ARL10: variants seen among roughly 807,000 people sequenced by gnomAD.
The protein encoded by ARL10 is ADP-ribosylation factor-like protein 10.
In ARL10, 23 loss-of-function variants were observed where a neutral mutation model predicts 26.1. The ratio of observed to expected loss-of-function variants is 0.88; its 90% CI spans 0.63 to 1.25. ARL10 has a LOEUF of 1.25. Ranked by LOEUF, ARL10 falls within the 50% of genes most tolerant of loss-of-function variation. The pLI is 0.00. For missense variants in ARL10, 300 were observed against 323.6 expected, an observed-to-expected ratio of 0.93 and a Z score of 0.56; for synonymous variants, 138 against 149.1, an observed-to-expected ratio of 0.93 and a Z score of 0.54.
Position 176,373,416 on chromosome 5 carries a change from CA to C in ARL10, c.*1524del, listed in dbSNP as rs1314875516. On this transcript the variant is annotated 3_prime_UTR_variant, in exon 4 of 4. Coordinates refer to ENST00000310389, the MANE Select transcript of ARL10 (RefSeq NM_173664.6). ...TTAGGGACCACTAAATCAACAACCA[CA>C]AATGGATTTTTTTTTTAAGAGGAGC... 1 of 204,340 alleles carries C rather than the reference CA, an allele frequency of 4.9e-6. No individual in the cohort carries two copies. The highest frequency in any genetic ancestry group is 2.3e-5 in the African/African-American group (1 of 43,538). 12.7% of individuals were successfully genotyped at this position (204,340 alleles called of 1,614,324 possible). A position where few individuals can be genotyped will look rare whatever the true frequency, so the allele number is the denominator to read the frequency against.
chr5:176,386,963 T>G (rs756396726), intron 1 of ARL10: 1 of 1,483,242 alleles, frequency 6.7e-7, no homozygotes, highest in African/African-American at 1.4e-5. Flanking sequence ...GGGAAAGTTA[T>G]AGACTCCTGC....
chr5:176,386,800 G>A, downstream of ARL10: 1 of 1,565,966 alleles, frequency 6.4e-7, no homozygotes, highest in East Asian at 2.2e-5. Flanking sequence ...TTCCCACAGT[G>A]CAGGACAGTG....
rs563282377 is a variant in ARL10, at chr5:176,374,018, G to A, written c.*2123G>A. 2 of 152,278 alleles carry A rather than the reference G, an allele frequency of 1.3e-5. No individual in the cohort carries two copies. The highest frequency in any genetic ancestry group is 1.3e-4 in the Admixed American group (2 of 15,290). 9.4% of individuals were successfully genotyped at this position (152,278 alleles called of 1,614,324 possible). A position where few individuals can be genotyped will look rare whatever the true frequency, so the allele number is the denominator to read the frequency against. ...AGGCTACATTTATAGCCAGAGAAACGAAAATAACTTAGGTTGCCTGATTGG... is the reference window on the plus strand; with the variant it reads ...AGGCTACATTTATAGCCAGAGAAACAAAAATAACTTAGGTTGCCTGATTGG... On this transcript the variant is annotated 3_prime_UTR_variant, in exon 4 of 4. Transcript: ENST00000310389.
chr5:176,397,158 C>T (rs1291775727), intron 1 of ARL10, among the ~76,000 whole-genome samples: 3 of 152,148 alleles, frequency 2.0e-5, no homozygotes, highest in Admixed American at 6.5e-5. Flanking sequence ...TCCTCCGTGC[C>T]TACCCCAGAG....
chr5:176,389,254 G>GGGAA (rs1276350337), downstream of ARL10: 24 of 1,508,608 alleles, frequency 1.6e-5, no homozygotes, highest in East Asian at 5.0e-4. Context: ...CTTGGCTTTG[G>GGGAA]GGAAGCGAGA....
chr5:176,413,327 G>A, the ARL10 span, among the ~76,000 whole-genome samples: 200 of 152,340 alleles, frequency 1.3e-3, no homozygotes, highest in African/African-American at 4.5e-3. Context: ...GAGGCCCAGC[G>A]GGGGAAATGG....
chr5:176,406,569 G>A (rs1017245131), downstream of ARL10: 2 of 1,288,696 alleles, frequency 1.6e-6, no homozygotes, highest in Non-Finnish European at 2.0e-6. Flanking sequence ...CTGTGCAGAG[G>A]TGGGGAGGCG....
chr5:176,400,318 A>T (rs1756757123), intron 1 of ARL10, among the ~76,000 whole-genome samples: 1 of 152,216 alleles, frequency 6.6e-6, no homozygotes, highest in African/African-American at 2.4e-5. Context: ...CTTGGTGTGG[A>T]GTGATGGCTC....
chr5:176,388,728 G>A (rs1218658983), downstream of ARL10: 6 of 1,532,966 alleles, frequency 3.9e-6, no homozygotes, highest in African/African-American at 4.1e-5. Flanking sequence ...TGCGTACAAG[G>A]CTCAATTTAT....
chr5:176,394,695 G>A (rs1021663892), intron 1 of ARL10, among the ~76,000 whole-genome samples: 7 of 152,070 alleles, frequency 4.6e-5, no homozygotes, highest in Admixed American at 6.6e-5. Context: ...GGCACCTGTA[G>A]TCCCAGCTAC....
rs1205599602 is a variant in ARL10 at position 176,368,832 on chromosome 5, C to T, written c.411C>T (p.Phe137=). 2 of 1,613,536 alleles carry T rather than the reference C, an allele frequency of 1.2e-6. No individual in the cohort carries two copies. Among genetic ancestry groups the T allele is most frequent in the South Asian group, 1.1e-5 (1 of 91,044 alleles). Reference sequence around the variant, plus strand: ...TTGGGGGCAGCCAGAACCTGCGCTTCTACTGGAAGGAGTTTGTGAGCGAGG... The same window carrying T: ...TTGGGGGCAGCCAGAACCTGCGCTTTTACTGGAAGGAGTTTGTGAGCGAGG... ...LEIGGSQNLR[F]YWKEFVSEVD... Residue 137 remains phenylalanine, a synonymous_variant, in exon 3 of 4, where the codon TTC becomes TTT. Coordinates refer to ENST00000310389, the MANE Select transcript of ARL10 (RefSeq NM_173664.6). The surrounding 1 kb of genome is among the most constrained non-coding windows in gnomAD (Gnocchi z 4.1).
chr5:176,406,049 C>A, downstream of ARL10: 1 of 613,290 alleles, frequency 1.6e-6, no homozygotes, highest in Non-Finnish European at 2.0e-6. Context: ...AAGCAGTCAC[C>A]ACTCATTATT....
At chr5:176,369,019 A>G (rs1230609270) in intron 3 of ARL10, 37 bp downstream of exon 3, 4 of 1,610,052 alleles carry the variant, frequency 2.5e-6, no homozygotes, top group African/African-American at 1.3e-5. Context: ...TCCAGGTGAC[A>G]TCCACTCAGA....
rs1768642309 is a variant in ARL10 at position 176,374,937 on chromosome 5, C to T, written c.*3042C>T. 6.6e-6 allele frequency: 1 copy of T among 152,256 alleles called. No homozygotes were observed. Among genetic ancestry groups the T allele is most frequent in the South Asian group, 2.1e-4 (1 of 4,834 alleles). The allele number at this position is 152,256 out of a possible 1,614,324, so 9.4% of individuals were successfully genotyped here. A position where few individuals can be genotyped will look rare whatever the true frequency, so the allele number is the denominator to read the frequency against. On this transcript the variant is annotated 3_prime_UTR_variant, in exon 4 of 4. Coordinates refer to ENST00000310389, the MANE Select transcript of ARL10 (RefSeq NM_173664.6). ...CGGCAGCCACCACCGCCTTTTGAAG[C>T]TCTCCATAGTAGTAGAATCAGGAAA...
At position 176,372,099 on chromosome 5, in the gene ARL10, G is replaced by A. The variant is rs1581395631; in HGVS notation, c.*204G>A. On this transcript the variant is annotated 3_prime_UTR_variant, in exon 4 of 4. Coordinates refer to ENST00000310389, the MANE Select transcript of ARL10 (RefSeq NM_173664.6). ...GGTGGCCGTGAAGCCGAAGCAGGGA[G>A]GTGGGTGAGACAGAGGGTGGGGAGG... The A allele has an allele frequency of 7.0e-7, 1 of 1,420,130 alleles. No homozygotes were observed. The highest frequency in any genetic ancestry group is 9.2e-7 in the Non-Finnish European group (1 of 1,089,526). The allele number at this position is 1,420,130 out of a possible 1,614,324, so 88.0% of individuals were successfully genotyped here.
downstream of ARL10, among the ~76,000 whole-genome samples, chr5:176,404,311 C>T (rs562229301): frequency 1.1e-4 from 17 of 152,364 alleles, no homozygotes; most frequent in African/African-American, 2.4e-4. Context: ...TCCTCTGGGA[C>T]GCACCCCCAC....
At position 176,373,954 on chromosome 5, in the gene ARL10, C is replaced by T. The variant is rs1202643391; in HGVS notation, c.*2059C>T. Reference sequence around the variant, plus strand: ...TTCGTGAACTGGTTAGTACTTAGCACCAAAAGCAGTTCAGAATGCTCAGCC... The same window carrying T: ...TTCGTGAACTGGTTAGTACTTAGCATCAAAAGCAGTTCAGAATGCTCAGCC... On this transcript the variant is annotated 3_prime_UTR_variant, in exon 4 of 4. Transcript: ENST00000310389. 6.6e-6 allele frequency: 1 copy of T among 152,188 alleles called. No homozygotes were observed. 9.4% of individuals were successfully genotyped at this position (152,188 alleles called of 1,614,324 possible). A position where few individuals can be genotyped will look rare whatever the true frequency, so the allele number is the denominator to read the frequency against.
rs1267075906 is a variant in ARL10 at position 176,374,788 on chromosome 5, T to G, written c.*2893T>G. On this transcript the variant is annotated 3_prime_UTR_variant, in exon 4 of 4. Transcript: ENST00000310389. ...TGAAGATTAGAAAACCTTGAACAGC[T>G]AAGCTTGCTGTCTACCATTCAGGAT... 6.6e-6 allele frequency: 1 copy of G among 152,214 alleles called. No homozygotes were observed. Among genetic ancestry groups the G allele is most frequent in the Non-Finnish European group, 1.5e-5 (1 of 68,028 alleles). The allele number at this position is 152,214 out of a possible 1,614,324, so 9.4% of individuals were successfully genotyped here. A position where few individuals can be genotyped will look rare whatever the true frequency, so the allele number is the denominator to read the frequency against.
chr5:176,400,592 C>A (rs186741594), intron 1 of ARL10, among the ~76,000 whole-genome samples: 2 of 152,342 alleles, frequency 1.3e-5, no homozygotes, highest in Admixed American at 1.3e-4. Flanking sequence ...TCCAGCCACA[C>A]CCGCTCTGGC....
Sources: gnomAD v4.1 joint callset for allele counts (sites outside exome capture counted in the v4.1 genomes callset) on GRCh38, gnomAD v4.1.1 for gene constraint, Gnocchi (gnomAD v3.1) non-coding constraint, MANE v1.5 for transcripts, NCBI Gene and HGNC (gene_info 2026-07-23, HGNC 2026-07-21) for gene names.